The following IDNK variants were observed in gnomAD, a reference collection of about 807,000 sequenced individuals.
IDNK encodes the protein gluconokinase.
A neutral mutation model predicts 13.0 loss-of-function variants in IDNK; 9 were observed. That is an observed-to-expected ratio of 0.69 (90% CI 0.42 to 1.21). The LOEUF (loss-of-function observed/expected upper bound fraction) is 1.21. Among genes scored for constraint, IDNK ranks in the 50% most tolerant of loss-of-function variants. IDNK has a pLI of 0.00. For synonymous variants in IDNK, 92 were observed against 94.9 expected (o/e 0.97, Z 0.18); for missense variants, 210 against 237.8 (o/e 0.88, Z 0.77).
At chr9:83,623,494 T>A (rs1830761301) in intron 1 of IDNK, 1 of 421,174 alleles carries the variant, frequency 2.4e-6, no homozygotes, top group Non-Finnish European at 4.3e-6. Context: ...AGGAAGCCGC[T>A]CCTGAACAGG....
At chr9:83,630,865 A>T (rs900947000) in intron 3 of IDNK, among the ~76,000 whole-genome samples, 2 of 152,240 alleles carry the variant, frequency 1.3e-5, no homozygotes, top group African/African-American at 4.8e-5. Context: ...AAATTTATGT[A>T]CAGGAGAAAA....
At chr9:83,630,559 A>G (rs1422088915) in intron 3 of IDNK, among the ~76,000 whole-genome samples, 1 of 152,200 alleles carries the variant, frequency 6.6e-6, no homozygotes, top group African/African-American at 2.4e-5. Flanking sequence ...ATGCACAGAA[A>G]AGTGCCTGTA....
intron 3 of IDNK, among the ~76,000 whole-genome samples, chr9:83,640,740 G>A (rs1187764179): frequency 6.6e-6 from 1 of 152,218 alleles, no homozygotes; most frequent in Non-Finnish European, 1.5e-5. Context: ...AGCTACTCAG[G>A]AGGCTGAGGC....
At chr9:83,631,809 A>T (rs2131624808) in intron 3 of IDNK, among the ~76,000 whole-genome samples, 1 of 152,268 alleles carries the variant, frequency 6.6e-6, no homozygotes, top group East Asian at 1.9e-4. Context: ...GCTGTGATAA[A>T]TTATTAGCGT....
intron 3 of IDNK, among the ~76,000 whole-genome samples, chr9:83,631,611 GA>G: frequency 6.6e-6 from 1 of 151,866 alleles, no homozygotes; most frequent in South Asian, 2.1e-4. Flanking sequence ...GACCCTGTCT[GA>G]AAAAAATATA....
chr9:83,638,467 C>T (rs1289806970), intron 3 of IDNK, among the ~76,000 whole-genome samples: 1 of 152,088 alleles, frequency 6.6e-6, no homozygotes, highest in Non-Finnish European at 1.5e-5. Flanking sequence ...GTCAAACTTC[C>T]TGGATAGCTA....
intron 3 of IDNK, among the ~76,000 whole-genome samples, chr9:83,640,979 A>G (rs1366777512): frequency 6.6e-6 from 1 of 152,268 alleles, no homozygotes; most frequent in Non-Finnish European, 1.5e-5. Context: ...ATTATGGCCA[A>G]TAATCAGGAT....
intron 2 of IDNK, 42 bp from the exon 3 acceptor site, chr9:83,628,831 C>T (rs747509929): frequency 2.3e-5 from 31 of 1,352,514 alleles, no homozygotes; most frequent in Non-Finnish European, 3.3e-5. Flanking sequence ...TCACATTGGC[C>T]CATCTGCCTG....
At chr9:83,632,545 A>G (rs1327241101) in intron 3 of IDNK, among the ~76,000 whole-genome samples, 1 of 127,056 alleles carries the variant, frequency 7.9e-6, no homozygotes, top group African/African-American at 3.2e-5. Context: ...AACATTAACG[A>G]TAGCTGATGA....
chr9:83,628,011 G>A (rs748845567), intron 1 of IDNK, 170 bp from the exon 2 acceptor site: 3 of 1,433,734 alleles, frequency 2.1e-6, no homozygotes, highest in Non-Finnish European at 1.8e-6. Context: ...GATCAGCTAA[G>A]GCCAGTCTCC....
At chr9:83,632,087 C>T (rs373717708) in intron 3 of IDNK, among the ~76,000 whole-genome samples, 1 of 152,170 alleles carries the variant, frequency 6.6e-6, no homozygotes, top group South Asian at 2.1e-4. Context: ...GTCTCATCTT[C>T]CAAAAATATC....
At chr9:83,641,015 T>C (rs1831291527) in intron 3 of IDNK, among the ~76,000 whole-genome samples, 1 of 152,260 alleles carries the variant, frequency 6.6e-6, no homozygotes, top group Non-Finnish European at 1.5e-5. Flanking sequence ...GAGAATTTAC[T>C]TGTCTCAGGA....
intron 1 of IDNK, among the ~76,000 whole-genome samples, chr9:83,624,528 C>G (rs2131615077): frequency 6.6e-6 from 1 of 152,094 alleles, no homozygotes; most frequent in African/African-American, 2.4e-5. Flanking sequence ...GATAGATGCT[C>G]TGGAGTAAGG....
chr9:83,624,867 C>A (rs1344359041), intron 1 of IDNK, among the ~76,000 whole-genome samples: 1 of 152,140 alleles, frequency 6.6e-6, no homozygotes, highest in Non-Finnish European at 1.5e-5. Context: ...GCGCCCACCA[C>A]CATGCACAGC....
chr9:83,627,943 A>G (rs2131619630), intron 1 of IDNK: 1 of 1,149,564 alleles, frequency 8.7e-7, no homozygotes, highest in East Asian at 3.5e-5. Context: ...GATCTTATAT[A>G]TTGCCTTTAG....
chr9:83,626,767 C>T, intron 1 of IDNK: 1 of 1,180,220 alleles, frequency 8.5e-7, no homozygotes, highest in African/African-American at 1.6e-5. Flanking sequence ...GCTTCACCAG[C>T]CATGGAGTTT....
chr9:83,635,048 A>C (rs1280796980), intron 3 of IDNK, among the ~76,000 whole-genome samples: 1 of 152,170 alleles, frequency 6.6e-6, no homozygotes, highest in Non-Finnish European at 1.5e-5. Context: ...GTCTTAAATA[A>C]AGCCTTAAAA....
At chr9:83,630,503 A>G (rs143192352) in intron 3 of IDNK, among the ~76,000 whole-genome samples, 3 of 152,316 alleles carry the variant, frequency 2.0e-5, no homozygotes, top group African/African-American at 7.2e-5. Flanking sequence ...AACAGGATCT[A>G]TTTGATTGGA....
At chr9:83,643,235 G>A (rs1330301646) in intron 4 of IDNK, among the ~76,000 whole-genome samples, 194 bp from the exon 5 acceptor site, 1 of 152,122 alleles carries the variant, frequency 6.6e-6, no homozygotes, top group Non-Finnish European at 1.5e-5. Flanking sequence ...TAAATGCCTT[G>A]GCCCAAGATT....
Sources: allele counts gnomAD v4.1 joint callset (sites outside exome capture counted in the v4.1 genomes callset), GRCh38; gene constraint gnomAD v4.1.1; transcripts MANE v1.5; gene names NCBI Gene and HGNC (gene_info 2026-07-23, HGNC 2026-07-21).